PTPRT: variants seen among roughly 807,000 people sequenced by gnomAD.
The protein encoded by PTPRT is protein tyrosine phosphatase receptor type T.
In PTPRT, 56 loss-of-function variants were observed where a neutral mutation model predicts 176.8. The ratio of observed to expected loss-of-function variants is 0.32; its 90% CI spans 0.26 to 0.40. The LOEUF is 0.40. PTPRT is among the 10% of genes least tolerant of loss of function. The pLI, the probability that PTPRT is intolerant of heterozygous loss-of-function variation, is 1.00. For synonymous variants in PTPRT, 783 were observed against 739.0 expected, an observed-to-expected ratio of 1.06 and a Z score of -0.96; for missense variants, 1,540 against 1,908.2, an observed-to-expected ratio of 0.81 and a Z score of 3.60.
At chr20:42,240,669 T>G (rs1442796967) in intron 14 of PTPRT, among the ~76,000 whole-genome samples, 1 of 152,006 alleles carries the variant, frequency 6.6e-6, no homozygotes, top group Non-Finnish European at 1.5e-5. Flanking sequence ...CATCCATCCA[T>G]GAACCTATCC....
chr20:42,727,131 G>A (rs1249930786), intron 6 of PTPRT, among the ~76,000 whole-genome samples: 2 of 152,098 alleles, frequency 1.3e-5, no homozygotes, highest in East Asian at 3.9e-4. Flanking sequence ...ACAGAGAGAG[G>A]CCTCCATTGT....
At chr20:43,083,320 G>GTGTGTGTGTATATATATA (rs1299320498) in intron 1 of PTPRT, among the ~76,000 whole-genome samples, 3 of 37,386 alleles carry the variant, frequency 8.0e-5, no homozygotes, top group African/African-American at 2.0e-4. Context: ...CACTTCAAAT[G>GTGTGTGTGTATATATATA]TATATATATA....
At chr20:42,767,975 TATAC>T (rs1224897605) in intron 5 of PTPRT, among the ~76,000 whole-genome samples, 3 of 97,266 alleles carry the variant, frequency 3.1e-5, no homozygotes, top group African/African-American at 4.0e-5. Context: ...TATATAAAAT[TATAC>T]ACACACACAC....
At chr20:42,322,028 C>G (rs150681582) in intron 11 of PTPRT, among the ~76,000 whole-genome samples, 5 of 152,146 alleles carry the variant, frequency 3.3e-5, no homozygotes, top group African/African-American at 1.2e-4. Flanking sequence ...GCCGAGATCA[C>G]GCCACTGCAC....
At chr20:43,060,080 C>T (rs909028953) in intron 1 of PTPRT, among the ~76,000 whole-genome samples, 2 of 152,010 alleles carry the variant, frequency 1.3e-5, no homozygotes, top group Non-Finnish European at 2.9e-5. Context: ...TACCTCAAAA[C>T]TCTTCCAGCC....
At chr20:42,034,547 T>C in the PTPRT span, among the ~76,000 whole-genome samples, 1 of 152,154 alleles carries the variant, frequency 6.6e-6, no homozygotes, top group Non-Finnish European at 1.5e-5. Flanking sequence ...CCAGAGGCTG[T>C]GGACCTCACT....
At chr20:42,393,229 A>T (rs1200262458) in intron 9 of PTPRT, among the ~76,000 whole-genome samples, 1 of 152,178 alleles carries the variant, frequency 6.6e-6, no homozygotes, top group Non-Finnish European at 1.5e-5. Context: ...CTGTCTACCC[A>T]AATGCCAAGG....
chr20:42,165,902 T>G (rs1357418721), intron 16 of PTPRT, among the ~76,000 whole-genome samples: 1 of 152,198 alleles, frequency 6.6e-6, no homozygotes, highest in Non-Finnish European at 1.5e-5. Flanking sequence ...GTGGCAACAT[T>G]AAATAAGGCG....
intron 9 of PTPRT, among the ~76,000 whole-genome samples, chr20:42,442,387 G>A (rs541113408): frequency 1.4e-4 from 22 of 152,214 alleles, no homozygotes; most frequent in East Asian, 7.7e-4. Context: ...TTTTAAAGGC[G>A]CTCCCATACA....
intron 7 of PTPRT, among the ~76,000 whole-genome samples, chr20:42,498,131 G>C (rs1178008586): frequency 1.3e-5 from 2 of 152,132 alleles, no homozygotes; most frequent in Admixed American, 6.6e-5. Flanking sequence ...AACCTCAAGA[G>C]ATCACTTTTT....
In PTPRT at chr20:43,083,364, ATATAT is replaced by A. The variant is rs1568774345; in HGVS notation, c.88+106277_88+106281del. 2.2e-3 allele frequency among the ~76,000 whole-genome samples: 274 copies of A among 125,694 alleles called. 5 individuals are homozygous for A. The highest frequency in any genetic ancestry group is 9.0e-3 in the African/African-American group (262 of 29,196). The allele number at this position is 125,694 out of a possible 152,430, so 82.5% of individuals were successfully genotyped here. On this transcript the variant is annotated intron_variant, in intron 1 of 30. Coordinates refer to ENST00000373187, the MANE Select transcript of PTPRT (RefSeq NM_007050.6). Reference sequence around the variant, plus strand: ...TATATATATATATATATATATATATATATATACATTTTTTGAGACAGAGTCTCGCT... The same window carrying A: ...TATATATATATATATATATATATATAACATTTTTTGAGACAGAGTCTCGCT...
chr20:42,481,183 A>C (rs1380646250), intron 7 of PTPRT, among the ~76,000 whole-genome samples: 1 of 152,162 alleles, frequency 6.6e-6, no homozygotes, highest in Non-Finnish European at 1.5e-5. Flanking sequence ...GTTTCAATAA[A>C]TGTTTATTTA....
chr20:42,121,954 G>T (rs1987613131), intron 19 of PTPRT, among the ~76,000 whole-genome samples: 1 of 152,136 alleles, frequency 6.6e-6, no homozygotes, highest in Non-Finnish European at 1.5e-5. Flanking sequence ...CTTACAGTGG[G>T]AGCTAAATAA....
intron 11 of PTPRT, among the ~76,000 whole-genome samples, chr20:42,341,025 C>T (rs1033419490): frequency 1.3e-5 from 2 of 152,040 alleles, no homozygotes; most frequent in East Asian, 3.9e-4. Context: ...GCTCCAATGA[C>T]CTTCACCTTG....
rs185893038 is a variant in PTPRT, at chr20:42,916,168, T to C, written c.89-30236A>G. 6.1e-4 allele frequency among the ~76,000 whole-genome samples: 80 copies of C among 131,314 alleles called. 1 individual carries two copies. The East Asian group carries it at 0.019, about 31-fold the overall frequency. 86.1% of individuals were successfully genotyped at this position (131,314 alleles called of 152,430 possible). A position where few individuals can be genotyped will look rare whatever the true frequency, so the allele number is the denominator to read the frequency against. On this transcript the variant is annotated intron_variant, in intron 1 of 30. Coordinates refer to ENST00000373187, the MANE Select transcript of PTPRT (RefSeq NM_007050.6). ...TGTGATGTTCCCCTTCCTGTGTCCA[T>C]GTGTTCTCATTGTTCAATTCCCACC... is the stretch of plus-strand genomic sequence containing the variant.
rs75106136 is a variant in PTPRT, at chr20:42,783,826, C to G, written c.487-3527G>C. Among the ~76,000 whole-genome samples, 1,415 of 152,232 alleles carry G rather than the reference C, an allele frequency of 9.3e-3. 33 individuals are homozygous for G. The highest frequency in any genetic ancestry group is 0.032 in the African/African-American group (1,329 of 41,526). ...TGAGTAGAGAAGTCTAGAGGTGACT[C>G]TGGTGCAGTGTTTTCCTCCTGTCTT... On this transcript the variant is annotated intron_variant, in intron 3 of 30. Transcript: ENST00000373187.
intron 2 of PTPRT, among the ~76,000 whole-genome samples, chr20:42,814,723 T>A (rs2077754403): frequency 6.6e-6 from 1 of 152,214 alleles, no homozygotes; most frequent in African/African-American, 2.4e-5. Flanking sequence ...ATGGCAAGCA[T>A]GTCATTCATA....
intron 6 of PTPRT, among the ~76,000 whole-genome samples, chr20:42,695,655 T>C (rs1414993350): frequency 3.9e-5 from 6 of 152,212 alleles, no homozygotes; most frequent in African/African-American, 1.4e-4. Context: ...CACAGCACTG[T>C]CCTTCAGAGT....
intron 5 of PTPRT, among the ~76,000 whole-genome samples, chr20:42,761,177 GTAAT>G: frequency 6.6e-6 from 1 of 152,276 alleles, no homozygotes; most frequent in Non-Finnish European, 1.5e-5. Context: ...GCTGACGCCT[GTAAT>G]CCCAGCACTT....
Sources: allele counts gnomAD v4.1 joint callset (sites outside exome capture counted in the v4.1 genomes callset), GRCh38; gene constraint gnomAD v4.1.1; transcripts MANE v1.5; gene names NCBI Gene and HGNC (gene_info 2026-07-23, HGNC 2026-07-21).